TP63: variants seen among roughly 807,000 people sequenced by gnomAD.
TP63 encodes tumor protein p63.
A neutral mutation model predicts 82.8 loss-of-function variants in TP63; 17 were observed. The observed-to-expected ratio is 0.21, with a 90% CI of 0.14 to 0.31. TP63 has a LOEUF of 0.31. Among genes scored for constraint, TP63 ranks in the 10% least tolerant of loss-of-function variants. The pLI is 1.00. For synonymous variants in TP63, 330 were observed against 321.7 expected (o/e 1.03, Z -0.28); for missense variants, 648 against 895.3 (o/e 0.72, Z 3.52).
chr3:189,612,246 C>T, the TP63 span, among the ~76,000 whole-genome samples: 2 of 146,124 alleles, frequency 1.4e-5, no homozygotes, highest in African/African-American at 2.5e-5. Flanking sequence ...AGTTGTATCT[C>T]TCAGAATTCC....
At chr3:189,779,484 G>T (rs1174602498) in intron 3 of TP63, among the ~76,000 whole-genome samples, 2 of 152,130 alleles carry the variant, frequency 1.3e-5, no homozygotes, top group East Asian at 3.9e-4. Context: ...GAAAAAAGCT[G>T]CAAAGAAAAT....
chr3:189,810,142 A>T lies in TP63; in HGVS notation c.579+1616A>T, dbSNP rs138357493. Among the ~76,000 whole-genome samples the T allele has an allele frequency of 7.3e-3, 1,106 of 152,318 alleles. 10 individuals carry two copies. Among genetic ancestry groups the T allele is most frequent in the African/African-American group, 0.026 (1,075 of 41,578 alleles). On this transcript the variant is annotated intron_variant, in intron 4 of 13. Coordinates refer to ENST00000264731, the MANE Select transcript of TP63 (RefSeq NM_003722.5). ...TCCTCCACGTGTTACTTATCAATGGAGTCATAATCCTTAGTTTCCTTTACT... is the reference window on the plus strand; with the variant it reads ...TCCTCCACGTGTTACTTATCAATGGTGTCATAATCCTTAGTTTCCTTTACT...
intron 1 of TP63, among the ~76,000 whole-genome samples, chr3:189,671,852 A>G (rs1337103238): frequency 7.2e-5 from 11 of 152,080 alleles, no homozygotes; most frequent in African/African-American, 4.8e-5. Flanking sequence ...AGTTAATAGA[A>G]GTAGTGAGTA....
intron 1 of TP63, among the ~76,000 whole-genome samples, chr3:189,642,956 T>C (rs1712033267): frequency 6.7e-6 from 1 of 149,008 alleles, no homozygotes; most frequent in Non-Finnish European, 1.5e-5. Context: ...ACTCACACCC[T>C]TAACTTAATT....
rs146967688 is a variant in TP63, at chr3:189,708,897, G to T, written c.63-28843G>T. 6.6e-3 allele frequency among the ~76,000 whole-genome samples: 1,010 copies of T among 152,258 alleles called. 14 individuals carry two copies. The highest frequency in any genetic ancestry group is 0.023 in the African/African-American group (960 of 41,548). On this transcript the variant is annotated intron_variant, in intron 1 of 13. Transcript: ENST00000264731. Reference sequence around the variant, plus strand: ...GCTCAGAGACATTGCTGGAACACGAGAGTTAAGAGCCTTTACGTTGTGTTC... The same window carrying T: ...GCTCAGAGACATTGCTGGAACACGATAGTTAAGAGCCTTTACGTTGTGTTC...
At chr3:189,702,107 T>A (rs1377754940) in intron 1 of TP63, among the ~76,000 whole-genome samples, 2 of 152,160 alleles carry the variant, frequency 1.3e-5, no homozygotes, top group Non-Finnish European at 2.9e-5. Context: ...AGAGTCTGGG[T>A]CCTGCTGAAT....
At chr3:189,891,609 A>G (rs1459674800) in intron 13 of TP63, among the ~76,000 whole-genome samples, 7 of 152,172 alleles carry the variant, frequency 4.6e-5, no homozygotes, top group Middle Eastern at 3.2e-3. Context: ...TTAATAAAAT[A>G]TTGGGTTCAA....
intron 4 of TP63, among the ~76,000 whole-genome samples, chr3:189,834,412 T>G (rs1712817498): frequency 6.6e-6 from 1 of 152,196 alleles, no homozygotes; most frequent in African/African-American, 2.4e-5. Context: ...ACATAGATTC[T>G]TATGCTTATG....
chr3:189,603,470 A>G, the TP63 span, among the ~76,000 whole-genome samples: 1 of 151,996 alleles, frequency 6.6e-6, no homozygotes, highest in African/African-American at 2.4e-5. Context: ...TAATAAGAGC[A>G]TGGGAAGCAG....
At chr3:189,797,845 C>T (rs1268770289) in intron 3 of TP63, among the ~76,000 whole-genome samples, 2 of 152,002 alleles carry the variant, frequency 1.3e-5, no homozygotes, top group African/African-American at 4.8e-5. Flanking sequence ...TGCTCCAACA[C>T]CTCACCCCCA....
At chr3:189,830,431 T>A (rs1225087317) in intron 4 of TP63, among the ~76,000 whole-genome samples, 1 of 152,236 alleles carries the variant, frequency 6.6e-6, no homozygotes, top group Non-Finnish European at 1.5e-5. Flanking sequence ...CATTGGAAAT[T>A]GGATATCAGC....
At chr3:189,732,376 G>A (rs1355658994) in intron 1 of TP63, among the ~76,000 whole-genome samples, 1 of 152,220 alleles carries the variant, frequency 6.6e-6, no homozygotes, top group Non-Finnish European at 1.5e-5. Flanking sequence ...AATGAGTGGT[G>A]ATGAGGGTAT....
rs910252082 is a variant in TP63 at position 189,886,525 on chromosome 3, C to T, written c.1481C>T (p.Thr494Ile). ...PQQRNALTPT[T>I]IPDGMGANIP... ...CAGCGCAACGCCCTCACTCCTACAA[C>T]CATTCCTGATGGCATGGGAGCCAAC... The change falls in exon 11 of 14, where the codon ACC becomes ATC. Residue 494 changes from threonine (T) to isoleucine (I), a missense_variant. By Grantham distance (89) the Thr-to-Ile change is moderately conservative (BLOSUM62 -1). Around this residue, in one of 5 missense-constraint regions of TP63, gnomAD observed 342 missense variants for 425.7 expected, o/e 0.80. Coordinates refer to ENST00000264731, the MANE Select transcript of TP63 (RefSeq NM_003722.5). The T allele has an allele frequency of 1.5e-5, 24 of 1,614,102 alleles. No homozygotes were observed. The highest frequency in any genetic ancestry group is 1.9e-5 in the Non-Finnish European group (22 of 1,180,008).
intron 3 of TP63, among the ~76,000 whole-genome samples, chr3:189,741,557 C>A (rs1241433671): frequency 6.6e-6 from 1 of 152,136 alleles, no homozygotes; most frequent in Non-Finnish European, 1.5e-5. Flanking sequence ...AACTACTTTC[C>A]TCTTAAATAT....
intron 3 of TP63, among the ~76,000 whole-genome samples, chr3:189,743,564 G>T (rs1721155571): frequency 6.6e-6 from 1 of 151,908 alleles, no homozygotes. Flanking sequence ...TTGCAGCATT[G>T]TTTATAATAA....
intron 1 of TP63, among the ~76,000 whole-genome samples, chr3:189,633,147 A>T (rs554631594): frequency 2.4e-4 from 36 of 152,146 alleles, no homozygotes; most frequent in South Asian, 2.3e-3. Context: ...TACCTTGACG[A>T]TCTATTAGTT....
chr3:189,808,573 T>C (rs765509871), intron 4 of TP63, 47 bp downstream of exon 4: 1 of 1,609,610 alleles, frequency 6.2e-7, no homozygotes, highest in Non-Finnish European at 8.5e-7. Context: ...AGTCCAAGGA[T>C]GGGCTTCACC....
chr3:189,873,967 G>T (rs949663819), intron 10 of TP63, among the ~76,000 whole-genome samples: 1 of 152,120 alleles, frequency 6.6e-6, no homozygotes, highest in Non-Finnish European at 1.5e-5. Context: ...CAGAGGCAAA[G>T]ATTATATTTT....
At chr3:189,712,974 G>A (rs1266811944) in intron 1 of TP63, among the ~76,000 whole-genome samples, 1 of 152,072 alleles carries the variant, frequency 6.6e-6, no homozygotes, top group Non-Finnish European at 1.5e-5. Context: ...TTTGGACTTA[G>A]GGGTGCTGGG....
Sources: gnomAD v4.1 joint callset for allele counts (sites outside exome capture counted in the v4.1 genomes callset) on GRCh38, gnomAD v4.1.1 for gene constraint, gnomAD v4.1.1 regional missense constraint, MANE v1.5 for transcripts, NCBI Gene and HGNC (gene_info 2026-07-23, HGNC 2026-07-21) for gene names.